Variants in MTM1 observed in about 807,000 individuals in gnomAD.
MTM1 encodes the protein myotubularin 1.
In MTM1, 9 loss-of-function variants were observed where a neutral mutation model predicts 52.1. The observed-to-expected ratio is 0.17, with a 90% CI of 0.10 to 0.30. MTM1 has a LOEUF of 0.30. Among genes scored for constraint, MTM1 ranks in the 10% least tolerant of loss-of-function variants. The pLI is 1.00. For missense variants in MTM1, 277 were observed against 470.7 expected (o/e 0.59, Z 3.81); for synonymous variants, 136 against 163.8 (o/e 0.83, Z 1.29).
At chrX:150,625,963 G>C (rs1217887856) in intron 6 of MTM1, among the ~76,000 whole-genome samples, 1 of 112,769 alleles carries the variant, frequency 8.9e-6, no homozygotes, top group African/African-American at 3.2e-5. Context: ...TAGTACATTA[G>C]ATTGCATGCA....
At position 150,649,757 on chromosome X, in the gene MTM1, C is replaced by T. The variant is rs199984259; in HGVS notation, c.909C>T (p.Asn303=). 3.3e-6 allele frequency: 4 copies of T among 1,208,365 alleles called. No homozygotes were observed. Among genetic ancestry groups the T allele is most frequent in the East Asian group, 5.9e-5 (2 of 33,717 alleles). Residue 303 remains asparagine (N), a synonymous_variant, in exon 10 of 15, where the codon AAC becomes AAT. Coordinates refer to ENST00000370396, the MANE Select transcript of MTM1 (RefSeq NM_000252.3). ...GGYESDDAYH[N]AELFFLDIHN... ...ATGAAAGTGATGATGCATATCATAA[C>T]GCCGAACTTTTCTTCTTAGACATTC...
chrX:150,631,484 G>A (rs1196647546), intron 6 of MTM1, among the ~76,000 whole-genome samples: 5 of 110,155 alleles, frequency 4.5e-5, no homozygotes, highest in African/African-American at 1.3e-4. Flanking sequence ...CCAACATGGT[G>A]AAACCCTGTC....
At chrX:150,576,474 C>T (rs1024912978) in intron 1 of MTM1, among the ~76,000 whole-genome samples, 4 of 112,014 alleles carry the variant, frequency 3.6e-5, no homozygotes, top group African/African-American at 6.5e-5. Flanking sequence ...ATGGCACCAA[C>T]TTGATAATAT....
At chrX:150,667,832 TAC>T (rs1283265423) in intron 14 of MTM1, among the ~76,000 whole-genome samples, 1 of 112,303 alleles carries the variant, frequency 8.9e-6, no homozygotes. Flanking sequence ...GCTGCATTTG[TAC>T]CTGGCTTTAG....
intron 2 of MTM1, among the ~76,000 whole-genome samples, chrX:150,594,323 T>C (rs923093047): frequency 1.6e-4 from 18 of 110,685 alleles, no homozygotes; most frequent in Non-Finnish European, 3.2e-4. Flanking sequence ...TTGGCCATGC[T>C]GGTCTTGAAC....
chrX:150,577,702 A>G (rs1339535325), intron 1 of MTM1, among the ~76,000 whole-genome samples: 12 of 110,915 alleles, frequency 1.1e-4, no homozygotes, highest in Non-Finnish European at 1.9e-4. Flanking sequence ...ATTTGCAAGC[A>G]TGTTCTCTCA....
intron 8 of MTM1, among the ~76,000 whole-genome samples, chrX:150,645,350 A>G (rs2039911927): frequency 8.9e-6 from 1 of 112,687 alleles, no homozygotes; most frequent in African/African-American, 3.2e-5. Flanking sequence ...CTTCTATATG[A>G]TAACAAATCC....
At chrX:150,598,377 C>T (rs1274969126) in intron 3 of MTM1, among the ~76,000 whole-genome samples, 3 of 112,025 alleles carry the variant, frequency 2.7e-5, no homozygotes, top group African/African-American at 9.7e-5. Context: ...ACTGTTAGTG[C>T]CTGGAGGTGG....
chrX:150,611,157 T>G (rs782305014), intron 4 of MTM1, among the ~76,000 whole-genome samples: 1 of 112,264 alleles, frequency 8.9e-6, no homozygotes, highest in South Asian at 3.7e-4. Context: ...TCCTTATAGG[T>G]ACAAACAGTA....
intron 2 of MTM1, among the ~76,000 whole-genome samples, chrX:150,593,346 C>T (rs782355026): frequency 4.5e-5 from 5 of 112,300 alleles, no homozygotes; most frequent in East Asian, 5.6e-4. Flanking sequence ...CAGGCTGCTA[C>T]GCCTTCCTAA....
chrX:150,660,636 A>C (rs1357576338), intron 13 of MTM1, 152 bp downstream of exon 13: 2 of 465,986 alleles, frequency 4.3e-6, no homozygotes, highest in Non-Finnish European at 7.5e-6. Context: ...TGTGTTATAT[A>C]AAGGAATACC....
At chrX:150,598,016 G>A (rs1557412644) in intron 3 of MTM1, among the ~76,000 whole-genome samples, 1 of 111,587 alleles carries the variant, frequency 9.0e-6, no homozygotes, top group East Asian at 2.8e-4. Context: ...GAGCCTGAGA[G>A]GTTGAGGCTG....
At chrX:150,590,296 TATTAAC>T (rs1557412425) in intron 1 of MTM1, among the ~76,000 whole-genome samples, 1 of 112,544 alleles carries the variant, frequency 8.9e-6, no homozygotes, top group Non-Finnish European at 1.9e-5. Flanking sequence ...TTGATCCAAC[TATTAAC>T]AGTAGTAGTA....
chrX:150,582,468 T>C (rs896534280), intron 1 of MTM1, among the ~76,000 whole-genome samples: 2 of 111,712 alleles, frequency 1.8e-5, no homozygotes, highest in Non-Finnish European at 1.9e-5. Context: ...TAAAAAGATA[T>C]ACTGAAGCCC....
At chrX:150,652,658 TACACACACACACACACACACAC>T (rs377592464) in intron 10 of MTM1, among the ~76,000 whole-genome samples, 11 of 82,462 alleles carry the variant, frequency 1.3e-4, no homozygotes, top group Non-Finnish European at 2.4e-4. Context: ...TATATATATA[TACACACACACACACACACACAC>T]ACACACACAC....
intron 14 of MTM1, among the ~76,000 whole-genome samples, chrX:150,667,623 C>G (rs1248471780): frequency 8.9e-6 from 1 of 112,017 alleles, no homozygotes; most frequent in Non-Finnish European, 1.9e-5. Flanking sequence ...ACAGCACTTA[C>G]TGGGTGTTAG....
intron 1 of MTM1, among the ~76,000 whole-genome samples, chrX:150,570,836 C>T (rs1192753645): frequency 8.9e-6 from 1 of 112,065 alleles, no homozygotes; most frequent in East Asian, 2.8e-4. Context: ...CAAGAGTGCT[C>T]GCTAATAAAA....
chrX:150,577,084 GCTT>G (rs782817881), intron 1 of MTM1, among the ~76,000 whole-genome samples: 45 of 112,265 alleles, frequency 4.0e-4, no homozygotes, highest in Non-Finnish European at 7.7e-4. Context: ...TTTGTGGCTG[GCTT>G]CTTTCACTTA....
intron 13 of MTM1, among the ~76,000 whole-genome samples, chrX:150,662,889 A>G (rs142005871): frequency 0.059 from 6,609 of 111,168 alleles, 163 homozygotes; most frequent in Non-Finnish European, 0.078. Context: ...TAGGCTGAAA[A>G]GCTTAGACTT....
Sources: allele counts gnomAD v4.1 joint callset (sites outside exome capture counted in the v4.1 genomes callset), GRCh38; gene constraint gnomAD v4.1.1; transcripts MANE v1.5; gene names NCBI Gene and HGNC (gene_info 2026-07-23, HGNC 2026-07-21).